The following CNTN4 variants were observed in gnomAD, a reference collection of about 807,000 sequenced individuals.
CNTN4 encodes contactin-4.
Under a neutral mutation model 122.5 loss-of-function variants are expected in CNTN4, and 77 were observed. The ratio of observed to expected loss-of-function variants is 0.63; its 90% CI spans 0.52 to 0.76. The LOEUF is 0.76. CNTN4 is among the 30% of genes least tolerant of loss of function. The probability of loss-of-function intolerance (pLI) is 0.00; values close to 1 mark genes in which losing one functional copy is unlikely to be tolerated. For missense variants in CNTN4, 1,256 were observed against 1,259.1 expected (o/e 1.00, Z 0.04); for synonymous variants, 512 against 447.0 (o/e 1.15, Z -1.83).
At chr3:2,212,011 T>C (rs995385339) in intron 2 of CNTN4, among the ~76,000 whole-genome samples, 1 of 152,336 alleles carries the variant, frequency 6.6e-6, no homozygotes, top group African/African-American at 2.4e-5. Flanking sequence ...TCTTGCTCTA[T>C]TGCCCAGACG....
intron 3 of CNTN4, among the ~76,000 whole-genome samples, chr3:2,453,996 G>T (rs1350684487): frequency 6.6e-6 from 1 of 151,944 alleles, no homozygotes; most frequent in African/African-American, 2.4e-5. Flanking sequence ...TTCTGTGCTT[G>T]TTGCATGGAT....
chr3:2,761,217 C>G (rs971451752), intron 6 of CNTN4, among the ~76,000 whole-genome samples: 4 of 152,142 alleles, frequency 2.6e-5, no homozygotes, highest in Non-Finnish European at 5.9e-5. Context: ...ATAATTTCTC[C>G]TAAATTTTCT....
At chr3:2,439,844 G>A (rs1559554117) in intron 3 of CNTN4, among the ~76,000 whole-genome samples, 2 of 152,176 alleles carry the variant, frequency 1.3e-5, no homozygotes. Flanking sequence ...CAGCTCTGCA[G>A]TGAACACCAA....
At chr3:2,361,774 T>C (rs543741641) in intron 3 of CNTN4, among the ~76,000 whole-genome samples, 1 of 152,336 alleles carries the variant, frequency 6.6e-6, no homozygotes, top group East Asian at 1.9e-4. Flanking sequence ...CTTCATTCAG[T>C]GTGTAGACAT....
At chr3:2,576,425 G>A (rs903261387) in intron 4 of CNTN4, among the ~76,000 whole-genome samples, 2 of 152,074 alleles carry the variant, frequency 1.3e-5, no homozygotes, top group Admixed American at 1.3e-4. Context: ...ATCCATACAT[G>A]TTTTTCAAAA....
At chr3:2,501,961 A>G (rs1435671384) in intron 3 of CNTN4, among the ~76,000 whole-genome samples, 1 of 152,194 alleles carries the variant, frequency 6.6e-6, no homozygotes, top group African/African-American at 2.4e-5. Context: ...TATTTAAAAT[A>G]TTGCATGGAA....
intron 7 of CNTN4, among the ~76,000 whole-genome samples, chr3:2,827,286 C>G (rs1454390752): frequency 6.6e-6 from 1 of 152,198 alleles, no homozygotes; most frequent in Non-Finnish European, 1.5e-5. Flanking sequence ...TCAAACACCA[C>G]TATAATGCCA....
At chr3:2,777,686 C>T (rs1351445170) in intron 6 of CNTN4, among the ~76,000 whole-genome samples, 1 of 152,184 alleles carries the variant, frequency 6.6e-6, no homozygotes, top group African/African-American at 2.4e-5. Context: ...GGAGGTATCT[C>T]ACGCAAGATA....
intron 2 of CNTN4, among the ~76,000 whole-genome samples, chr3:2,284,445 C>T (rs748842776): frequency 6.6e-6 from 1 of 152,034 alleles, no homozygotes; most frequent in Non-Finnish European, 1.5e-5. Flanking sequence ...ATCCTTTTAA[C>T]TGGTCTGGAA....
At chr3:2,585,533 T>G (rs1411959239) in intron 4 of CNTN4, among the ~76,000 whole-genome samples, 1 of 152,138 alleles carries the variant, frequency 6.6e-6, no homozygotes, top group African/African-American at 2.4e-5. Flanking sequence ...GTTCATGTCC[T>G]TTGTAGGGAC....
chr3:2,813,863 T>C (rs2092669999), intron 6 of CNTN4, among the ~76,000 whole-genome samples: 2 of 152,152 alleles, frequency 1.3e-5, no homozygotes, highest in Admixed American at 6.6e-5. Context: ...ATGGCCTGAA[T>C]TCCAAATGTT....
chr3:2,573,579 T>G (rs902713847), intron 4 of CNTN4, among the ~76,000 whole-genome samples: 6 of 152,212 alleles, frequency 3.9e-5, no homozygotes, highest in Non-Finnish European at 7.3e-5. Context: ...GCATAATGTT[T>G]ATTTAACCCA....
At chr3:2,314,025 C>T (rs2150157795) in intron 2 of CNTN4, among the ~76,000 whole-genome samples, 1 of 152,052 alleles carries the variant, frequency 6.6e-6, no homozygotes, top group East Asian at 1.9e-4. Context: ...TGTTTTATAA[C>T]ACCTTTTAAA....
intron 4 of CNTN4, among the ~76,000 whole-genome samples, chr3:2,590,296 G>T (rs767555377): frequency 2.0e-5 from 3 of 151,976 alleles, no homozygotes; most frequent in Non-Finnish European, 4.4e-5. Flanking sequence ...TCGCTCTGTC[G>T]CCCAGGCTGG....
chr3:2,287,640 GAAGA>G (rs2041957118), intron 2 of CNTN4, among the ~76,000 whole-genome samples: 113 of 58,406 alleles, frequency 1.9e-3, no homozygotes, highest in Middle Eastern at 9.3e-3. Context: ...AGGAGAAGAA[GAAGA>G]AGAAGAAGAA....
chr3:2,598,259 G>A (rs2080866308), intron 4 of CNTN4, among the ~76,000 whole-genome samples: 1 of 152,166 alleles, frequency 6.6e-6, no homozygotes, highest in South Asian at 2.1e-4. Context: ...AGTTGGCAAT[G>A]TTGGGAGGTC....
At chr3:2,422,499 T>G (rs1021535489) in intron 3 of CNTN4, among the ~76,000 whole-genome samples, 1 of 152,218 alleles carries the variant, frequency 6.6e-6, no homozygotes, top group African/African-American at 2.4e-5. Context: ...TTTGGATTCC[T>G]GACAGCCTAT....
chr3:2,306,673 A>G (rs190594799), intron 2 of CNTN4, among the ~76,000 whole-genome samples: 2 of 152,272 alleles, frequency 1.3e-5, no homozygotes, highest in African/African-American at 4.8e-5. Context: ...TTAAACTTTT[A>G]CAAGGATTAC....
At chr3:2,467,352 A>G in intron 3 of CNTN4, among the ~76,000 whole-genome samples, 1 of 152,164 alleles carries the variant, frequency 6.6e-6, no homozygotes, top group Non-Finnish European at 1.5e-5. Context: ...TGTTAATTAT[A>G]TTTGCCCTTG....
Sources: allele counts gnomAD v4.1 joint callset (sites outside exome capture counted in the v4.1 genomes callset), GRCh38; gene constraint gnomAD v4.1.1; transcripts MANE v1.5; gene names NCBI Gene and HGNC (gene_info 2026-07-23, HGNC 2026-07-21).